NAALADL2: variants seen among roughly 807,000 people sequenced by gnomAD.
NAALADL2 encodes the protein N-acetylated alpha-linked acidic dipeptidase like 2, also known as inactive N-acetylated-alpha-linked acidic dipeptidase-like protein 2.
NAALADL2 carries 76 observed loss-of-function variants against 87.2 expected under a neutral mutation model. The observed-to-expected ratio is 0.87, with a 90% CI of 0.72 to 1.05. The LOEUF is 1.05. Among genes scored for constraint, NAALADL2 ranks in the 50% least tolerant of loss-of-function variants. The pLI is 0.00. For synonymous variants in NAALADL2, 354 were observed against 331.0 expected (o/e 1.07, Z -0.75); for missense variants, 1,089 against 945.8 (o/e 1.15, Z -1.99).
chr3:175,266,864 T>G (rs1752014348), intron 4 of NAALADL2, among the ~76,000 whole-genome samples: 1 of 151,890 alleles, frequency 6.6e-6, no homozygotes, highest in African/African-American at 2.4e-5. Flanking sequence ...GGTGAAGGTA[T>G]TATGGATATT....
intron 2 of NAALADL2, among the ~76,000 whole-genome samples, chr3:175,209,356 T>A (rs2109247361): frequency 6.6e-6 from 1 of 152,188 alleles, no homozygotes; most frequent in Non-Finnish European, 1.5e-5. Flanking sequence ...GCCAAACTAG[T>A]CAGGGAGAAG....
At chr3:174,676,418 A>AT (rs11379418) in intron 2 of NAALADL2, among the ~76,000 whole-genome samples, 75,574 of 151,618 alleles carry the variant, frequency 0.5, 22,058 homozygotes, top group Non-Finnish European at 0.68. Context: ...GCTTTATATT[A>AT]TTAGGTCATA....
intron 13 of NAALADL2, among the ~76,000 whole-genome samples, chr3:175,790,376 A>C (rs962665883): frequency 1.3e-5 from 2 of 151,832 alleles, no homozygotes; most frequent in South Asian, 4.1e-4. Context: ...AGTTTTTAGG[A>C]GTAGCTTTGA....
chr3:175,748,459 T>G (rs554415539), intron 12 of NAALADL2, among the ~76,000 whole-genome samples: 31 of 152,234 alleles, frequency 2.0e-4, no homozygotes, highest in Non-Finnish European at 3.4e-4. Context: ...TTTTAACCAC[T>G]GTATTATGCA....
intron 2 of NAALADL2, among the ~76,000 whole-genome samples, chr3:174,689,019 G>A (rs908983771): frequency 4.0e-5 from 6 of 151,714 alleles, no homozygotes; most frequent in African/African-American, 1.2e-4. Flanking sequence ...AAAAAATTAT[G>A]TAATAGAGTT....
At chr3:175,512,537 T>C (rs565737307) in intron 9 of NAALADL2, among the ~76,000 whole-genome samples, 40 of 152,318 alleles carry the variant, frequency 2.6e-4, no homozygotes, top group Non-Finnish European at 4.9e-4. Flanking sequence ...ATTGGTACTT[T>C]ATAGAAAGAA....
chr3:174,678,611 C>T (rs1727257194), intron 2 of NAALADL2, among the ~76,000 whole-genome samples: 1 of 152,030 alleles, frequency 6.6e-6, no homozygotes, highest in Non-Finnish European at 1.5e-5. Context: ...AGTACTTTTC[C>T]ATTTTGCATA....
chr3:175,637,565 T>C (rs1728721613), intron 11 of NAALADL2, among the ~76,000 whole-genome samples: 1 of 152,052 alleles, frequency 6.6e-6, no homozygotes, highest in South Asian at 2.1e-4. Context: ...TTGTTAACAA[T>C]AGCATGGCAC....
intron 9 of NAALADL2, among the ~76,000 whole-genome samples, chr3:175,502,592 T>C (rs771821264): frequency 2.6e-5 from 4 of 152,130 alleles, no homozygotes; most frequent in Non-Finnish European, 5.9e-5. Flanking sequence ...ACTGGAACTA[T>C]ATCACTTCTC....
chr3:174,592,260 T>G (rs1717446491), intron 2 of NAALADL2, among the ~76,000 whole-genome samples: 1 of 139,010 alleles, frequency 7.2e-6, no homozygotes. Flanking sequence ...ATTTTGTTAT[T>G]ATTATACTTT....
rs138307211 is a variant in NAALADL2 at position 174,572,168 on chromosome 3, G to A, written c.-115+21531G>A. Among the ~76,000 whole-genome samples the A allele has an allele frequency of 3.1e-4, 47 of 152,048 alleles. No homozygotes were observed. In the East Asian group the frequency reaches 8.8e-3, roughly 28 times the overall value. On this transcript the variant is annotated intron_variant, in intron 2 of 3. Transcript: ENST00000434257. ...TATTGAGACAGAGTCCTGCTCTGCT[G>A]TCCAGGCTGGAGTGCAGTGGTGTGA...
At chr3:174,649,597 C>G (rs1364663756) in intron 2 of NAALADL2, among the ~76,000 whole-genome samples, 1 of 152,136 alleles carries the variant, frequency 6.6e-6, no homozygotes, top group African/African-American at 2.4e-5. Context: ...TCTGGACCCT[C>G]TGACAAGTCA....
chr3:175,193,969 C>A (rs1177288353), intron 2 of NAALADL2, among the ~76,000 whole-genome samples: 2 of 151,828 alleles, frequency 1.3e-5, no homozygotes, highest in African/African-American at 4.8e-5. Flanking sequence ...GTGCAAAGTG[C>A]TAGCAGCCCT....
intron 2 of NAALADL2, among the ~76,000 whole-genome samples, chr3:174,714,612 G>T (rs1233247748): frequency 6.6e-6 from 1 of 152,074 alleles, no homozygotes; most frequent in East Asian, 1.9e-4. Flanking sequence ...TGTTATTATT[G>T]TATAGGAATG....
At chr3:175,600,784 G>A (rs1002331164) in intron 10 of NAALADL2, among the ~76,000 whole-genome samples, 16 of 151,966 alleles carry the variant, frequency 1.1e-4, no homozygotes, top group South Asian at 2.1e-4. Flanking sequence ...TGATCCGCCC[G>A]CCTCGGCCTC....
chr3:175,254,239 G>A (rs977930420), intron 3 of NAALADL2, among the ~76,000 whole-genome samples: 6 of 152,110 alleles, frequency 3.9e-5, no homozygotes, highest in African/African-American at 1.2e-4. Context: ...CTAACCTTTA[G>A]CAACTGTGAC....
At chr3:174,444,244 C>G (rs1305402661) in intron 1 of NAALADL2, among the ~76,000 whole-genome samples, 1 of 152,022 alleles carries the variant, frequency 6.6e-6, no homozygotes, top group Non-Finnish European at 1.5e-5. Context: ...AGCTATTTAC[C>G]TAGAACAAAT....
intron 3 of NAALADL2, among the ~76,000 whole-genome samples, chr3:174,791,256 TCTC>T (rs1717424451): frequency 6.6e-6 from 1 of 152,198 alleles, no homozygotes; most frequent in African/African-American, 2.4e-5. Flanking sequence ...CTCTGGGTAT[TCTC>T]CTGTGCAACT....
intron 3 of NAALADL2, among the ~76,000 whole-genome samples, chr3:174,812,454 T>C (rs1353624024): frequency 2.0e-5 from 3 of 152,234 alleles, no homozygotes; most frequent in African/African-American, 7.2e-5. Context: ...TTATAGTACG[T>C]AATACTTGAT....
Sources: gnomAD v4.1 joint callset for allele counts (sites outside exome capture counted in the v4.1 genomes callset) on GRCh38, gnomAD v4.1.1 for gene constraint, MANE v1.5 for transcripts, NCBI Gene and HGNC (gene_info 2026-07-23, HGNC 2026-07-21) for gene names.